Variants in CSMD1 observed in about 807,000 individuals in gnomAD.
The protein encoded by CSMD1 is CUB and Sushi multiple domains 1, also known as CUB and sushi domain-containing protein 1.
In CSMD1, 213 loss-of-function variants were observed where a neutral mutation model predicts 417.5. The ratio of observed to expected loss-of-function variants is 0.51; its 90% CI spans 0.46 to 0.57. CSMD1 has a LOEUF of 0.57. Ranked by LOEUF, CSMD1 falls within the 20% of genes least tolerant of loss-of-function variation. The probability of loss-of-function intolerance (pLI) is 0.00; values close to 1 mark genes in which losing one functional copy is unlikely to be tolerated. For missense variants in CSMD1, 6,923 were observed against 4,529.7 expected (o/e 1.53, Z -15.17); for synonymous variants, 2,862 against 1,736.8 (o/e 1.65, Z -16.11).
intron 26 of CSMD1, among the ~76,000 whole-genome samples, chr8:3,247,722 A>G (rs561536387): frequency 1.3e-5 from 2 of 152,350 alleles, no homozygotes; most frequent in African/African-American, 4.8e-5. Flanking sequence ...TGAGATTAAC[A>G]TGTGCAGGCA....
intron 25 of CSMD1, among the ~76,000 whole-genome samples, chr8:3,294,649 G>C (rs144759033): frequency 6.6e-6 from 1 of 152,170 alleles, no homozygotes; most frequent in Non-Finnish European, 1.5e-5. Context: ...CTGGTGTGCC[G>C]TTTGCTAAGA....
At chr8:3,355,529 T>C (rs533806007) in intron 21 of CSMD1, among the ~76,000 whole-genome samples, 4 of 152,286 alleles carry the variant, frequency 2.6e-5, no homozygotes, top group Admixed American at 2.6e-4. Flanking sequence ...TGGGACTCAA[T>C]GTGGGCCAAT....
intron 22 of CSMD1, among the ~76,000 whole-genome samples, chr8:3,347,580 G>A (rs1178444119): frequency 6.6e-6 from 1 of 152,160 alleles, no homozygotes; most frequent in African/African-American, 2.4e-5. Flanking sequence ...GGGTTGGTTT[G>A]GGGATCCTGC....
chr8:4,371,976 G>A (rs1428609348), intron 3 of CSMD1, among the ~76,000 whole-genome samples: 1 of 152,194 alleles, frequency 6.6e-6, no homozygotes, highest in African/African-American at 2.4e-5. Flanking sequence ...TTGCCGTGAT[G>A]GAAATGTTAT....
intron 5 of CSMD1, among the ~76,000 whole-genome samples, chr8:3,777,840 G>C (rs1331950476): frequency 6.7e-6 from 1 of 149,130 alleles, no homozygotes; most frequent in Admixed American, 6.6e-5. Context: ...CAGCCTCCTT[G>C]AAGTGCAGAG....
intron 2 of CSMD1, among the ~76,000 whole-genome samples, chr8:4,466,771 G>C (rs1196764298): frequency 6.6e-6 from 1 of 152,038 alleles, no homozygotes; most frequent in Non-Finnish European, 1.5e-5. Flanking sequence ...ATTATAATAT[G>C]AGAATACCAC....
intron 3 of CSMD1, among the ~76,000 whole-genome samples, chr8:4,364,336 A>T (rs915287043): frequency 6.6e-6 from 1 of 152,160 alleles, no homozygotes; most frequent in Non-Finnish European, 1.5e-5. Flanking sequence ...CCTTAAAATA[A>T]AGAGAAATCT....
intron 1 of CSMD1, among the ~76,000 whole-genome samples, chr8:4,884,832 C>T (rs529165264): frequency 5.4e-4 from 82 of 152,020 alleles, no homozygotes; most frequent in Middle Eastern, 3.4e-3. Flanking sequence ...TTCAAGACTA[C>T]CTTGGGTATT....
chr8:4,171,840 T>G (rs146663444), intron 3 of CSMD1, among the ~76,000 whole-genome samples: 1 of 152,186 alleles, frequency 6.6e-6, no homozygotes, highest in Non-Finnish European at 1.5e-5. Flanking sequence ...TAATAAAAAA[T>G]GCCCATTATG....
chr8:4,710,061 G>C (rs2725079), intron 1 of CSMD1, among the ~76,000 whole-genome samples: 55,069 of 151,886 alleles, frequency 0.36, 10,570 homozygotes, highest in Non-Finnish European at 0.43. Context: ...CTAGTGATTT[G>C]GAAAATCTGG....
At chr8:4,804,150 G>A (rs185312331) in intron 1 of CSMD1, among the ~76,000 whole-genome samples, 114 of 152,092 alleles carry the variant, frequency 7.5e-4, no homozygotes, top group African/African-American at 2.6e-3. Flanking sequence ...ATCAAAACTA[G>A]ATGCCCTTGT....
At chr8:3,040,834 G>C (rs1811039199) in intron 50 of CSMD1, among the ~76,000 whole-genome samples, 1 of 152,100 alleles carries the variant, frequency 6.6e-6, no homozygotes, top group South Asian at 2.1e-4. Context: ...TAAATTAATA[G>C]ATGATTTGAA....
Position 3,282,446 on chromosome 8 carries a change from C to A in CSMD1, c.4153+1698G>T, listed in dbSNP as rs540245351. Among the ~76,000 whole-genome samples, 9 of 152,266 alleles carry A rather than the reference C, an allele frequency of 5.9e-5. No homozygotes were observed. The East Asian group carries it at 1.7e-3, about 29-fold the overall frequency. Reference sequence around the variant, plus strand: ...GAGGAAAATGAACATAATCTCATAACTTTCTCAACTTTTTTGTTTTGCTAA... The same window carrying A: ...GAGGAAAATGAACATAATCTCATAAATTTCTCAACTTTTTTGTTTTGCTAA... On this transcript the variant is annotated intron_variant, in intron 26 of 69. Transcript: ENST00000635120.
rs1003552012 is a variant in CSMD1, at chr8:3,117,434, A to G, written c.6430+965T>C. The stretch of plus-strand genomic sequence containing the variant: ...GATATGCTTCTTTTACTTCTTCAGT[A>G]GAAATTAAAGCACAGCCAGATGTCT... On this transcript the variant is annotated intron_variant, in intron 42 of 69. Coordinates refer to ENST00000635120, the MANE Select transcript of CSMD1 (RefSeq NM_033225.6). Among the ~76,000 whole-genome samples, 8 of 152,238 alleles carry G rather than the reference A, an allele frequency of 5.3e-5. 1 individual carries two copies. The highest frequency in any genetic ancestry group is 4.6e-4 in the Admixed American group (7 of 15,286).
At chr8:4,212,175 TA>T (rs35856708) in intron 3 of CSMD1, among the ~76,000 whole-genome samples, 1 of 98,950 alleles carries the variant, frequency 1.0e-5, no homozygotes, top group African/African-American at 6.4e-5. Flanking sequence ...CTTCCCTATT[TA>T]TATATATATA....
intron 3 of CSMD1, among the ~76,000 whole-genome samples, chr8:4,406,957 T>TTG (rs1211890010): frequency 6.6e-6 from 1 of 152,186 alleles, no homozygotes; most frequent in Non-Finnish European, 1.5e-5. Context: ...GAAGAGTATC[T>TTG]TGTTTCCTAA....
At chr8:3,562,968 T>C (rs962310313) in intron 10 of CSMD1, among the ~76,000 whole-genome samples, 1 of 152,028 alleles carries the variant, frequency 6.6e-6, no homozygotes, top group Non-Finnish European at 1.5e-5. Context: ...TTTAATTGCA[T>C]TCTATTAGCC....
chr8:4,713,943 A>T (rs532125248), intron 1 of CSMD1, among the ~76,000 whole-genome samples: 3 of 152,110 alleles, frequency 2.0e-5, no homozygotes, highest in Non-Finnish European at 2.9e-5. Flanking sequence ...TCAGGAGTTC[A>T]AAACCAGCCT....
At chr8:3,726,350 G>A (rs1403446743) in intron 6 of CSMD1, among the ~76,000 whole-genome samples, 2 of 152,154 alleles carry the variant, frequency 1.3e-5, no homozygotes, top group African/African-American at 4.8e-5. Flanking sequence ...TAATTTATTT[G>A]TAGCAATAGA....
Sources: allele counts gnomAD v4.1 joint callset (sites outside exome capture counted in the v4.1 genomes callset), GRCh38; gene constraint gnomAD v4.1.1; transcripts MANE v1.5; gene names NCBI Gene and HGNC (gene_info 2026-07-23, HGNC 2026-07-21).